DMD: variants seen among roughly 807,000 people sequenced by gnomAD.
DMD encodes dystrophin.
DMD carries 63 observed loss-of-function variants against 330.1 expected under a neutral mutation model. The ratio of observed to expected loss-of-function variants is 0.19; its 90% CI spans 0.16 to 0.24. The LOEUF (loss-of-function observed/expected upper bound fraction) is 0.24, where lower values mean the gene tolerates loss of function less well. DMD is among the 10% of genes least tolerant of loss of function. The probability of loss-of-function intolerance (pLI) is 1.00; values close to 1 mark genes in which losing one functional copy is unlikely to be tolerated. For synonymous variants in DMD, 1,223 were observed against 959.8 expected (o/e 1.27, Z -5.07); for missense variants, 3,344 against 2,684.1 (o/e 1.25, Z -5.43).
chrX:32,695,364 G>C (rs148244615), intron 9 of DMD, among the ~76,000 whole-genome samples: 1 of 111,775 alleles, frequency 8.9e-6, no homozygotes, highest in Non-Finnish European at 1.9e-5. Context: ...GAAAATTTTG[G>C]GGCACCTGTG....
intron 59 of DMD, among the ~76,000 whole-genome samples, chrX:31,444,892 C>A (rs181990572): frequency 1.8e-5 from 2 of 111,065 alleles, no homozygotes; most frequent in South Asian, 3.8e-4. Flanking sequence ...ATAAAAGAGA[C>A]CTCAGAGAGC....
intron 41 of DMD, among the ~76,000 whole-genome samples, chrX:32,320,935 CA>C (rs1322033291): frequency 1.7e-4 from 19 of 111,474 alleles, no homozygotes; most frequent in African/African-American, 5.5e-4. Context: ...GGTGAAAACT[CA>C]ACTAATTTGT....
intron 8 of DMD, 150 bp from the exon 9 acceptor site, chrX:32,698,148 T>A: frequency 1.6e-6 from 1 of 628,505 alleles, no homozygotes; most frequent in African/African-American, 2.3e-5. Context: ...ATAAATGATA[T>A]TCGAAATTGG....
intron 26 of DMD, among the ~76,000 whole-genome samples, chrX:32,450,861 T>C (rs192458457): frequency 1.5e-3 from 168 of 111,081 alleles, no homozygotes; most frequent in Non-Finnish European, 2.0e-3. Flanking sequence ...TCATATATTC[T>C]TGGTTTAATA....
chrX:31,542,683 A>G (rs1297705686), intron 55 of DMD, among the ~76,000 whole-genome samples: 1 of 112,227 alleles, frequency 8.9e-6, no homozygotes, highest in Non-Finnish European at 1.9e-5. Flanking sequence ...GGCATCATGC[A>G]TTCACCAGAG....
intron 2 of DMD, among the ~76,000 whole-genome samples, chrX:32,877,085 T>C (rs2083439862): frequency 1.8e-5 from 2 of 112,314 alleles, no homozygotes. Context: ...GCTTCCCTTT[T>C]CCCTCTAGCA....
chrX:32,854,184 A>C (rs2081361386), intron 2 of DMD, among the ~76,000 whole-genome samples: 1 of 111,727 alleles, frequency 9.0e-6, no homozygotes, highest in South Asian at 3.7e-4. Context: ...TCTGTACTAC[A>C]GACTAAATGT....
intron 7 of DMD, among the ~76,000 whole-genome samples, chrX:32,758,631 G>C (rs760778153): frequency 3.6e-5 from 4 of 111,630 alleles, no homozygotes; most frequent in African/African-American, 1.3e-4. Flanking sequence ...ATAAAGGCAA[G>C]AATCTCAGAC....
In DMD at chrX:31,565,380, G is replaced by T. The variant is rs1025486806; in HGVS notation, c.8218-57927C>A. 5.4e-5 allele frequency among the ~76,000 whole-genome samples: 6 copies of T among 111,539 alleles called. No homozygotes were observed. The Admixed American group carries it at 5.7e-4, about 11-fold the overall frequency. On this transcript the variant is annotated intron_variant, in intron 55 of 78. Coordinates refer to ENST00000357033, the MANE Select transcript of DMD (RefSeq NM_004006.3). Reference sequence around the variant, plus strand: ...TCACTTCAAGACGGCTATATAAACAGAATCATTCATTATGTAACCTTTTCA... The same window carrying T: ...TCACTTCAAGACGGCTATATAAACATAATCATTCATTATGTAACCTTTTCA...
rs780209946 is a variant in DMD, at chrX:32,356,434, TCAAA to T, written c.5325+6350_5325+6353del. Among the ~76,000 whole-genome samples, 522 of 89,230 alleles carry T rather than the reference TCAAA, an allele frequency of 5.9e-3. 3 individuals are homozygous for T. Among genetic ancestry groups the T allele is most frequent in the South Asian group, 0.014 (22 of 1,572 alleles). 77.5% of individuals were successfully genotyped at this position (89,230 alleles called of 115,157 possible). On this transcript the variant is annotated intron_variant, in intron 37 of 78. Coordinates refer to ENST00000357033, the MANE Select transcript of DMD (RefSeq NM_004006.3). ...TGGTAATTTACAATTATTGCAGCAA[TCAAA>T]CAATGAATATTTAAGTATTTGATGC... is the stretch of plus-strand genomic sequence containing the variant.
chrX:32,925,145 G>GTTT lies in DMD; in HGVS notation c.94-75328_94-75326dup, dbSNP rs777224221. Reference sequence around the variant, plus strand: ...TAAGTAGGTTTTTCAAAAACTCTGGGTTTTTTTTTTTTTTTTTTTTTTTTT... The same window carrying GTTT: ...TAAGTAGGTTTTTCAAAAACTCTGGGTTTTTTTTTTTTTTTTTTTTTTTTTTTT... On this transcript the variant is annotated intron_variant, in intron 2 of 78. Coordinates refer to ENST00000357033, the MANE Select transcript of DMD (RefSeq NM_004006.3). 3.1e-3 allele frequency among the ~76,000 whole-genome samples: 152 copies of GTTT among 48,504 alleles called. 4 individuals are homozygous for GTTT. Among genetic ancestry groups the GTTT allele is most frequent in the African/African-American group, 8.7e-3 (109 of 12,495 alleles). 42.1% of individuals were successfully genotyped at this position (48,504 alleles called of 115,157 possible). A position where few individuals can be genotyped will look rare whatever the true frequency, so the allele number is the denominator to read the frequency against.
intron 2 of DMD, among the ~76,000 whole-genome samples, chrX:32,875,433 G>A (rs1239356224): frequency 8.9e-6 from 1 of 111,911 alleles, no homozygotes; most frequent in Non-Finnish European, 1.9e-5. Flanking sequence ...GTGTTTCCAT[G>A]ATAATTTTCT....
At chrX:32,666,918 G>T (rs2061340266) in intron 9 of DMD, among the ~76,000 whole-genome samples, 1 of 110,099 alleles carries the variant, frequency 9.1e-6, no homozygotes, top group Admixed American at 9.7e-5. Flanking sequence ...CCCTCCTTCT[G>T]GGCATATACA....
intron 44 of DMD, among the ~76,000 whole-genome samples, chrX:32,025,512 G>A (rs1055251214): frequency 9.0e-6 from 1 of 111,505 alleles, no homozygotes; most frequent in Admixed American, 9.6e-5. Context: ...AAGTTATATT[G>A]GACATTGCTG....
At chrX:31,630,624 G>A (rs769085610) in intron 54 of DMD, among the ~76,000 whole-genome samples, 18 of 110,406 alleles carry the variant, frequency 1.6e-4, no homozygotes, top group Non-Finnish European at 3.4e-4. Flanking sequence ...TAAATTTTCC[G>A]GAACCATATG....
chrX:32,913,711 T>A (rs2149345251), intron 2 of DMD, among the ~76,000 whole-genome samples: 1 of 112,040 alleles, frequency 8.9e-6, no homozygotes, highest in South Asian at 3.8e-4. Flanking sequence ...CCACTGCTTC[T>A]CTGTGTTTCA....
chrX:31,442,693 A>G (rs12687453), intron 60 of DMD, among the ~76,000 whole-genome samples: 4,106 of 111,410 alleles, frequency 0.037, 99 homozygotes, highest in Middle Eastern at 0.073. Context: ...CTTCTAGAAC[A>G]CTTATATGGG....
intron 2 of DMD, among the ~76,000 whole-genome samples, chrX:33,018,403 GA>G (rs1419596403): frequency 9.0e-6 from 1 of 111,598 alleles, no homozygotes; most frequent in Non-Finnish European, 1.9e-5. Flanking sequence ...CATAAGGACA[GA>G]AAAAAATATA....
At chrX:32,565,214 T>TACAA (rs1179631300) in intron 16 of DMD, among the ~76,000 whole-genome samples, 2 of 111,605 alleles carry the variant, frequency 1.8e-5, no homozygotes, top group African/African-American at 6.5e-5. Flanking sequence ...GCAGAAAAGG[T>TACAA]ACAATAGTCA....
Sources: gnomAD v4.1 joint callset for allele counts (sites outside exome capture counted in the v4.1 genomes callset) on GRCh38, gnomAD v4.1.1 for gene constraint, MANE v1.5 for transcripts, NCBI Gene and HGNC (gene_info 2026-07-23, HGNC 2026-07-21) for gene names.